The following GKAP1 variants were observed in gnomAD, a reference collection of about 807,000 sequenced individuals.
GKAP1 encodes the protein G kinase-anchoring protein 1.
A neutral mutation model predicts 56.7 loss-of-function variants in GKAP1; 31 were observed. The ratio of observed to expected loss-of-function variants is 0.55; its 90% CI spans 0.41 to 0.74. The LOEUF (loss-of-function observed/expected upper bound fraction) is 0.74, where lower values mean the gene tolerates loss of function less well. Ranked by LOEUF, GKAP1 falls within the 30% of genes least tolerant of loss-of-function variation. The probability of loss-of-function intolerance (pLI) is 0.00; values close to 1 mark genes in which losing one functional copy is unlikely to be tolerated. For missense variants in GKAP1, 364 were observed against 402.3 expected (o/e 0.90, Z 0.82); for synonymous variants, 151 against 138.6 (o/e 1.09, Z -0.63).
At chr9:83,811,408 G>A (rs1410590596) in intron 2 of GKAP1, among the ~76,000 whole-genome samples, 2 of 152,174 alleles carry the variant, frequency 1.3e-5, no homozygotes, top group Non-Finnish European at 2.9e-5. Context: ...AAGAGTCACA[G>A]TTGAGACTAT....
At chr9:83,788,728 G>A in intron 4 of GKAP1, 50 bp from the exon 5 acceptor site, 1 of 1,111,076 alleles carries the variant, frequency 9.0e-7, no homozygotes, top group Non-Finnish European at 1.4e-6. Flanking sequence ...TACATCACAT[G>A]AGCAAAATAA....
chr9:83,758,702 T>C (rs888963492), intron 8 of GKAP1, among the ~76,000 whole-genome samples: 11 of 149,050 alleles, frequency 7.4e-5, no homozygotes, highest in Admixed American at 6.0e-4. Flanking sequence ...TGAGCCAAGA[T>C]AGCACTACAG....
intron 12 of GKAP1, 43 bp from the exon 13 acceptor site, chr9:83,739,787 C>T: frequency 1.3e-6 from 2 of 1,498,806 alleles, no homozygotes; most frequent in South Asian, 1.2e-5. Flanking sequence ...TTACAACATA[C>T]CATTTTGGGA....
chr9:83,817,190 G>A (rs1354583440), intron 1 of GKAP1, 63 bp from the exon 2 acceptor site: 2 of 152,094 alleles, frequency 1.3e-5, no homozygotes, highest in South Asian at 4.1e-4. Flanking sequence ...GGCTCCCCGG[G>A]AGGGAGCGCG....
intron 9 of GKAP1, among the ~76,000 whole-genome samples, chr9:83,752,008 C>T (rs1439331661): frequency 2.0e-5 from 3 of 152,172 alleles, no homozygotes; most frequent in Non-Finnish European, 4.4e-5. Context: ...GACTCAGATA[C>T]TTATGCACCA....
chr9:83,755,398 T>TA (rs1324346554), intron 8 of GKAP1, among the ~76,000 whole-genome samples: 1 of 152,182 alleles, frequency 6.6e-6, no homozygotes, highest in Non-Finnish European at 1.5e-5. Flanking sequence ...CACCAAAACT[T>TA]TAACTGTCGT....
chr9:83,806,520 T>G lies in GKAP1; in HGVS notation c.-3A>C, dbSNP rs577958035. The G allele has an allele frequency of 1.9e-5, 31 of 1,609,722 alleles. No individual in the cohort carries two copies. In the Admixed American group the frequency reaches 2.5e-4, roughly 13 times the overall value. On this transcript the variant is annotated 5_prime_UTR_variant, in exon 3 of 13. Coordinates refer to ENST00000376371, the MANE Select transcript of GKAP1 (RefSeq NM_025211.4). Reference sequence around the variant, plus strand: ...GAACTAAGTACTGCTGAGGCCATCGTAAAGATTTTTCTTTTAAAATACTTC... The same window carrying G: ...GAACTAAGTACTGCTGAGGCCATCGGAAAGATTTTTCTTTTAAAATACTTC...
chr9:83,792,977 T>C, intron 4 of GKAP1: 8 of 1,276,162 alleles, frequency 6.3e-6, no homozygotes, highest in Non-Finnish European at 8.1e-6. Flanking sequence ...GTACTTCAGA[T>C]CCCCTTCCTC....
At chr9:83,751,315 T>A (rs1195411873) in intron 9 of GKAP1, among the ~76,000 whole-genome samples, 2 of 152,238 alleles carry the variant, frequency 1.3e-5, no homozygotes, top group Non-Finnish European at 2.9e-5. Context: ...TTCTATGAGA[T>A]CTTTACCAAT....
At position 83,742,021 on chromosome 9, in the gene GKAP1, T is replaced by G. The variant is rs1271745198; in HGVS notation, c.984A>C (p.Ser328=). The change falls in exon 12 of 13, where the codon TCA becomes TCC. Residue 328 remains serine (S), a synonymous_variant. Coordinates refer to ENST00000376371, the MANE Select transcript of GKAP1 (RefSeq NM_025211.4). ...IKNELTIQVT[S]LHAALEQERS... Reference sequence around the variant, plus strand: ...TTTCTTGTTCTAATGCAGCATGAAGTGAAGTCACCTATAACCAAATATTCA... The same window carrying G: ...TTTCTTGTTCTAATGCAGCATGAAGGGAAGTCACCTATAACCAAATATTCA... 4 of 1,586,112 alleles carry G rather than the reference T, an allele frequency of 2.5e-6. No homozygotes were observed. The highest frequency in any genetic ancestry group is 3.4e-6 in the Non-Finnish European group (4 of 1,169,736).
intron 4 of GKAP1, chr9:83,793,079 A>G (rs1163490315): frequency 2.5e-6 from 2 of 809,896 alleles, no homozygotes; most frequent in African/African-American, 1.8e-5. Context: ...GTTAAAGAGT[A>G]TGAAGAACCA....
At chr9:83,752,218 A>C (rs1254944013) in intron 9 of GKAP1, among the ~76,000 whole-genome samples, 1 of 152,194 alleles carries the variant, frequency 6.6e-6, no homozygotes, top group Non-Finnish European at 1.5e-5. Context: ...CCTGGTCAAC[A>C]TAGTGAAACC....
intron 8 of GKAP1, among the ~76,000 whole-genome samples, chr9:83,763,834 T>C (rs1943615773): frequency 6.6e-6 from 1 of 152,214 alleles, no homozygotes. Flanking sequence ...GGTAATTTCA[T>C]CCCAATGTAA....
At chr9:83,763,963 C>T (rs1229569583) in intron 8 of GKAP1, among the ~76,000 whole-genome samples, 1 of 151,998 alleles carries the variant, frequency 6.6e-6, no homozygotes, top group African/African-American at 2.4e-5. Flanking sequence ...AAGTTATATA[C>T]CCAACTTTGT....
intron 6 of GKAP1, among the ~76,000 whole-genome samples, chr9:83,782,256 T>C (rs1943986672): frequency 6.6e-6 from 1 of 151,932 alleles, no homozygotes. Flanking sequence ...TCAAGTGATC[T>C]CCTGCTTTGG....
At chr9:83,814,946 G>A (rs1225583395) in intron 2 of GKAP1, among the ~76,000 whole-genome samples, 1 of 152,156 alleles carries the variant, frequency 6.6e-6, no homozygotes, top group Non-Finnish European at 1.5e-5. Context: ...GGCCAAGGCG[G>A]GTGGATCACA....
chr9:83,813,586 C>T (rs1944541591), intron 2 of GKAP1, among the ~76,000 whole-genome samples: 1 of 152,108 alleles, frequency 6.6e-6, no homozygotes, highest in Non-Finnish European at 1.5e-5. Flanking sequence ...AAAACCGTAT[C>T]TCATAAAATA....
chr9:83,745,493 T>C (rs1321106538), intron 10 of GKAP1, among the ~76,000 whole-genome samples: 1 of 152,232 alleles, frequency 6.6e-6, no homozygotes, highest in African/African-American at 2.4e-5. Flanking sequence ...GACACTGTTG[T>C]TACTGATAGC....
chr9:83,779,524 C>T lies in GKAP1; in HGVS notation c.585+858G>A, dbSNP rs1299165298. On this transcript the variant is annotated intron_variant, in intron 7 of 12. Transcript: ENST00000376371. ...ACACATATATGTGTATATATATACACGTGTATATGTGTATATATATACACG... is the reference window on the plus strand; with the variant it reads ...ACACATATATGTGTATATATATACATGTGTATATGTGTATATATATACACG... Among the ~76,000 whole-genome samples the T allele has an allele frequency of 1.7e-5, 2 of 120,314 alleles. 1 individual carries two copies. The highest frequency in any genetic ancestry group is 3.3e-5 in the Non-Finnish European group (2 of 60,056). 78.9% of individuals were successfully genotyped at this position (120,314 alleles called of 152,430 possible).
Sources: allele counts gnomAD v4.1 joint callset (sites outside exome capture counted in the v4.1 genomes callset), GRCh38; gene constraint gnomAD v4.1.1; transcripts MANE v1.5; gene names NCBI Gene and HGNC (gene_info 2026-07-23, HGNC 2026-07-21).